The following CHEK1 variants were observed in gnomAD, a reference collection of about 807,000 sequenced individuals.
CHEK1 encodes the protein checkpoint kinase 1, also known as serine/threonine-protein kinase Chk1.
In CHEK1, 32 loss-of-function variants were observed where a neutral mutation model predicts 60.2. That is an observed-to-expected ratio of 0.53 (90% CI 0.40 to 0.71). CHEK1 has a LOEUF of 0.71. CHEK1 is among the 30% of genes least tolerant of loss of function. The probability of loss-of-function intolerance (pLI) is 0.00; values close to 1 mark genes in which losing one functional copy is unlikely to be tolerated. For missense variants in CHEK1, 399 were observed against 564.6 expected (o/e 0.71, Z 2.97); for synonymous variants, 179 against 187.2 (o/e 0.96, Z 0.36).
At chr11:125,672,565 G>A (rs948534096) in intron 13 of CHEK1, 1 of 1,611,556 alleles carries the variant, frequency 6.2e-7, no homozygotes, top group Non-Finnish European at 8.5e-7. Context: ...TTTACTGCCT[G>A]AGTCAAAACA....
downstream of CHEK1, chr11:125,676,470 A>G (rs1317788760): frequency 3.1e-6 from 5 of 1,614,072 alleles, no homozygotes; most frequent in Non-Finnish European, 3.4e-6. Context: ...TAGCAATTTA[A>G]TATTGTGCCT....
At chr11:125,657,588 GT>G (rs1941942926), downstream of CHEK1, among the ~76,000 whole-genome samples, 5 of 151,914 alleles carry the variant, frequency 3.3e-5, no homozygotes, top group Admixed American at 6.6e-5. Context: ...AATTAATATG[GT>G]TTTTATTAAC....
chr11:125,652,865 ACT>A (rs1426249831), intron 11 of CHEK1, among the ~76,000 whole-genome samples: 1 of 151,620 alleles, frequency 6.6e-6, no homozygotes, highest in African/African-American at 2.4e-5. Flanking sequence ...GCAATTTGAA[ACT>A]CTATTATTGT....
downstream of CHEK1, among the ~76,000 whole-genome samples, chr11:125,677,535 T>C (rs536021645): frequency 1.2e-4 from 19 of 152,292 alleles, no homozygotes; most frequent in Middle Eastern, 6.8e-3. Context: ...TAATTTCTTA[T>C]GGAGAGTGAA....
intron 8 of CHEK1, among the ~76,000 whole-genome samples, chr11:125,639,084 A>G (rs574297078): frequency 6.6e-6 from 1 of 152,264 alleles, no homozygotes; most frequent in East Asian, 1.9e-4. Flanking sequence ...GTTAGTCATT[A>G]TAAATGACTG....
At chr11:125,658,712 AAGAGTCTTGTTGTGTCTCCAAAGC>A, downstream of CHEK1, among the ~76,000 whole-genome samples, 1 of 75,358 alleles carries the variant, frequency 1.3e-5, no homozygotes, top group South Asian at 4.4e-4. Context: ...TTTTTTTTTT[AAGAGTCTTGTTGTGTCTCCAAAGC>A]TGGAGTGCAG....
downstream of CHEK1, among the ~76,000 whole-genome samples, chr11:125,658,903 T>G (rs1941965171): frequency 6.6e-6 from 1 of 151,920 alleles, no homozygotes; most frequent in East Asian, 1.9e-4. Context: ...CGAGGCTGGT[T>G]TCGAATGCCT....
chr11:125,670,289 GC>G (rs938259961), intron 13 of CHEK1, among the ~76,000 whole-genome samples: 32 of 152,142 alleles, frequency 2.1e-4, no homozygotes, highest in African/African-American at 7.5e-4. Flanking sequence ...GCTGTTTATT[GC>G]CTTTGTTCAC....
rs766554164 is a variant in CHEK1, at chr11:125,627,614, C to A, written c.73C>A (p.Leu25Ile). The change falls in exon 3 of 13, where the codon CTT becomes ATT. Residue 25 changes from leucine to isoleucine, a missense_variant. Leu to Ile is a conservative substitution (Grantham distance 5). Around this residue, in one of 2 missense-constraint regions of CHEK1, gnomAD observed 370 missense variants for 494.8 expected, o/e 0.75. Coordinates refer to ENST00000438015, the MANE Select transcript of CHEK1 (RefSeq NM_001114122.3). ...AACTCTTTTCCTTTTTAGAGTTCAACTTGCTGTGAATAGAGTAACTGAAGA... is the reference window on the plus strand; with the variant it reads ...AACTCTTTTCCTTTTTAGAGTTCAAATTGCTGTGAATAGAGTAACTGAAGA... ...LGEGAYGEVQ[L>I]AVNRVTEEAV... is the part of the protein sequence containing the mutation. 1.2e-6 allele frequency: 2 copies of A among 1,608,548 alleles called. No homozygotes were observed. The highest frequency in any genetic ancestry group is 2.2e-5 in the South Asian group (2 of 89,664).
At chr11:125,680,640 CTG>C (rs1942753553), downstream of CHEK1, 9 of 1,230,418 alleles carry the variant, frequency 7.3e-6, no homozygotes, top group Non-Finnish European at 1.1e-5. Context: ...GTTTGGGTGA[CTG>C]AGAGACTGGT....
chr11:125,648,395 A>G (rs1941579426), intron 11 of CHEK1, among the ~76,000 whole-genome samples: 1 of 152,150 alleles, frequency 6.6e-6, no homozygotes, highest in East Asian at 1.9e-4. Flanking sequence ...TGCCTGGCCC[A>G]CATAGTGAAA....
downstream of CHEK1, among the ~76,000 whole-genome samples, chr11:125,677,292 A>G (rs1055379405): frequency 3.3e-5 from 5 of 152,228 alleles, no homozygotes; most frequent in African/African-American, 1.2e-4. Context: ...AGAGCCACAG[A>G]CTAGCAGTTG....
At chr11:125,661,478 A>C (rs1450346459), downstream of CHEK1, among the ~76,000 whole-genome samples, 1 of 152,062 alleles carries the variant, frequency 6.6e-6, no homozygotes, top group African/African-American at 2.4e-5. Flanking sequence ...TGTCTGGCTA[A>C]TTTTTGTATT....
In CHEK1 at chr11:125,672,812, A is replaced by C. The variant is rs537342662; in HGVS notation, c.*28-3116A>C. On this transcript the variant is annotated intron_variant, in intron 13 of 13. Transcript: ENST00000428830. ...CTCAGTGTCTCCATGCAGGATGGTC[A>C]AGACCTCCACTTGTCCATTATCCCT... is the stretch of plus-strand genomic sequence containing the variant. 2.3e-5 allele frequency: 33 copies of C among 1,463,530 alleles called. No individual in the cohort carries two copies. In the South Asian group the frequency reaches 3.8e-4, roughly 17 times the overall value. 90.7% of individuals were successfully genotyped at this position (1,463,530 alleles called of 1,614,324 possible). A position where few individuals can be genotyped will look rare whatever the true frequency, so the allele number is the denominator to read the frequency against.
intron 13 of CHEK1, among the ~76,000 whole-genome samples, chr11:125,668,427 A>G (rs968008533): frequency 2.6e-5 from 4 of 152,104 alleles, no homozygotes; most frequent in Non-Finnish European, 2.9e-5. Context: ...TGTATACTCA[A>G]TTGTTGATAT....
chr11:125,637,415 C>CT (rs1591400519), intron 7 of CHEK1, 34 bp from the exon 8 acceptor site: 4 of 1,559,222 alleles, frequency 2.6e-6, no homozygotes, highest in Non-Finnish European at 3.5e-6. Flanking sequence ...TAACATGATT[C>CT]TTTCGTGAAT....
intron 11 of CHEK1, among the ~76,000 whole-genome samples, chr11:125,648,375 G>A (rs950138182): frequency 6.6e-6 from 1 of 152,012 alleles, no homozygotes. Flanking sequence ...GAGGTCAAGC[G>A]TTTGAGACCT....
At chr11:125,680,716 A>C, downstream of CHEK1, 4 of 1,612,204 alleles carry the variant, frequency 2.5e-6, no homozygotes, top group Non-Finnish European at 3.4e-6. Context: ...TGAAGCCTAG[A>C]TCAAACACTC....
chr11:125,681,105 G>C (rs1272640215), downstream of CHEK1: 1 of 178,966 alleles, frequency 5.6e-6, no homozygotes, highest in African/African-American at 2.4e-5. The surrounding 1 kb of genome is among the most constrained non-coding windows in gnomAD (Gnocchi z 4.2). Flanking sequence ...CATATTTTTT[G>C]TAATAAAGTT....
Sources: allele counts gnomAD v4.1 joint callset (sites outside exome capture counted in the v4.1 genomes callset), GRCh38; gene constraint gnomAD v4.1.1; regional missense constraint gnomAD v4.1.1; non-coding constraint Gnocchi (gnomAD v3.1); transcripts MANE v1.5; gene names NCBI Gene and HGNC (gene_info 2026-07-23, HGNC 2026-07-21).